PXDNL: variants seen among roughly 807,000 people sequenced by gnomAD.
PXDNL encodes the protein probable oxidoreductase PXDNL.
Under a neutral mutation model 150.8 loss-of-function variants are expected in PXDNL, and 145 were observed. The observed-to-expected ratio is 0.96, with a 90% CI of 0.84 to 1.10. PXDNL has a LOEUF of 1.10. Ranked by LOEUF, PXDNL falls within the 50% of genes least tolerant of loss-of-function variation. The probability of loss-of-function intolerance (pLI) is 0.00; values close to 1 mark genes in which losing one functional copy is unlikely to be tolerated. For synonymous variants in PXDNL, 757 were observed against 725.7 expected, an observed-to-expected ratio of 1.04 and a Z score of -0.69; for missense variants, 2,087 against 1,873.9, an observed-to-expected ratio of 1.11 and a Z score of -2.10.
chr8:51,548,264 AT>A (rs1812405309), intron 4 of PXDNL, among the ~76,000 whole-genome samples: 1 of 152,198 alleles, frequency 6.6e-6, no homozygotes, highest in Non-Finnish European at 1.5e-5. Context: ...TTGAAAACTT[AT>A]TTGAGGGAAT....
Position 51,319,690 on chromosome 8 carries a change from C to A in PXDNL, c.*201G>T. On this transcript the variant is annotated 3_prime_UTR_variant, in exon 23 of 23. Transcript: ENST00000356297. ...CAAACACTTCATATGCACTTTATTGCTTTTAGTTTTGAATTATTTCAAGGT... is the reference window on the plus strand; with the variant it reads ...CAAACACTTCATATGCACTTTATTGATTTTAGTTTTGAATTATTTCAAGGT... 2.7e-6 allele frequency: 1 copy of A among 368,736 alleles called. No individual in the cohort carries two copies. The highest frequency in any genetic ancestry group is 4.7e-6 in the Non-Finnish European group (1 of 213,878). The allele number at this position is 368,736 out of a possible 1,614,324, so 22.8% of individuals were successfully genotyped here. A position where few individuals can be genotyped will look rare whatever the true frequency, so the allele number is the denominator to read the frequency against.
At chr8:51,776,607 C>G (rs562482764) in intron 1 of PXDNL, among the ~76,000 whole-genome samples, 2 of 152,148 alleles carry the variant, frequency 1.3e-5, no homozygotes, top group Non-Finnish European at 2.9e-5. Flanking sequence ...CTCAATGAGG[C>G]CTTGACCTGG....
chr8:51,636,243 A>G (rs951432105), intron 2 of PXDNL, among the ~76,000 whole-genome samples: 4 of 152,180 alleles, frequency 2.6e-5, no homozygotes, highest in Admixed American at 6.5e-5. Context: ...TCCAGATAAC[A>G]TTATACTTAA....
chr8:51,594,306 T>C (rs1281711463), intron 2 of PXDNL, among the ~76,000 whole-genome samples: 2 of 144,924 alleles, frequency 1.4e-5, no homozygotes, highest in African/African-American at 5.8e-5. Context: ...CAAAAAACAA[T>C]TTGAGTGACT....
intron 1 of PXDNL, among the ~76,000 whole-genome samples, chr8:51,660,553 T>C (rs537097875): frequency 7.9e-5 from 12 of 152,334 alleles, no homozygotes; most frequent in African/African-American, 2.9e-4. Context: ...GGTACTTGTT[T>C]GTCTCAAATC....
intron 4 of PXDNL, among the ~76,000 whole-genome samples, chr8:51,533,104 A>T (rs1018757716): frequency 5.3e-5 from 8 of 152,230 alleles, no homozygotes; most frequent in Non-Finnish European, 8.8e-5. Flanking sequence ...ATCTTCTTTT[A>T]AAAAATATCA....
chr8:51,676,976 G>A (rs765133663), intron 1 of PXDNL, among the ~76,000 whole-genome samples: 1 of 152,148 alleles, frequency 6.6e-6, no homozygotes, highest in Non-Finnish European at 1.5e-5. Context: ...GAAGAAAAAC[G>A]AACCAGAGAG....
At chr8:51,516,343 G>T (rs1370994095) in intron 4 of PXDNL, among the ~76,000 whole-genome samples, 1 of 152,184 alleles carries the variant, frequency 6.6e-6, no homozygotes, top group Non-Finnish European at 1.5e-5. Context: ...ACTCTAGAAA[G>T]AAGTTAATTT....
intron 21 of PXDNL, among the ~76,000 whole-genome samples, chr8:51,332,550 G>A (rs572550409): frequency 6.6e-5 from 10 of 151,472 alleles, no homozygotes; most frequent in Middle Eastern, 3.4e-3. Flanking sequence ...AGAGAAAGGC[G>A]AAGCTCAATG....
intron 1 of PXDNL, among the ~76,000 whole-genome samples, chr8:51,654,965 C>T (rs1490880912): frequency 6.6e-6 from 1 of 152,150 alleles, no homozygotes; most frequent in Non-Finnish European, 1.5e-5. Context: ...TCTCTGGGGC[C>T]ATATGCTTGT....
At chr8:51,376,117 A>G (rs925878092) in intron 17 of PXDNL, among the ~76,000 whole-genome samples, 4 of 152,212 alleles carry the variant, frequency 2.6e-5, no homozygotes, top group Non-Finnish European at 5.9e-5. Flanking sequence ...TAATGAGTAC[A>G]CGGAATTACT....
chr8:51,543,826 A>G (rs1456514105), intron 4 of PXDNL, among the ~76,000 whole-genome samples: 3 of 152,182 alleles, frequency 2.0e-5, no homozygotes, highest in African/African-American at 7.2e-5. Context: ...ATTTTTACAA[A>G]AGAGATATTT....
At chr8:51,793,202 C>A (rs1351287156) in intron 1 of PXDNL, among the ~76,000 whole-genome samples, 3 of 152,122 alleles carry the variant, frequency 2.0e-5, no homozygotes, top group Admixed American at 6.5e-5. Context: ...CTGGAGTGGA[C>A]CCCCAGGAAA....
At chr8:51,651,105 G>A (rs1395099225) in intron 2 of PXDNL, among the ~76,000 whole-genome samples, 1 of 152,052 alleles carries the variant, frequency 6.6e-6, no homozygotes, top group East Asian at 1.9e-4. Context: ...GAAATAAATA[G>A]AACATATAAT....
intron 20 of PXDNL, among the ~76,000 whole-genome samples, chr8:51,341,498 T>G (rs893532374): frequency 2.0e-5 from 3 of 152,200 alleles, no homozygotes; most frequent in Non-Finnish European, 2.9e-5. Flanking sequence ...CTTCTCAATC[T>G]ATTTGAAACT....
chr8:51,383,540 G>A (rs9298446), intron 17 of PXDNL, among the ~76,000 whole-genome samples: 22,885 of 152,120 alleles, frequency 0.15, 2,351 homozygotes, highest in East Asian at 0.3. Flanking sequence ...GACAACATGA[G>A]AGAGTACCGC....
intron 4 of PXDNL, among the ~76,000 whole-genome samples, chr8:51,550,292 T>C (rs1812451859): frequency 6.6e-6 from 1 of 152,064 alleles, no homozygotes; most frequent in African/African-American, 2.4e-5. Flanking sequence ...ACTGAAACTA[T>C]TCCAAAAGAT....
chr8:51,380,400 A>G (rs1387378045), intron 17 of PXDNL, among the ~76,000 whole-genome samples: 1 of 152,190 alleles, frequency 6.6e-6, no homozygotes, highest in African/African-American at 2.4e-5. Flanking sequence ...TAAGTATATC[A>G]TTTGTGGGAA....
At chr8:51,643,190 T>A (rs546854517) in intron 2 of PXDNL, among the ~76,000 whole-genome samples, 9 of 152,266 alleles carry the variant, frequency 5.9e-5, no homozygotes, top group African/African-American at 2.2e-4. Context: ...TGGAAAAAAC[T>A]ACTTTAAAGT....
Sources: gnomAD v4.1 joint callset for allele counts (sites outside exome capture counted in the v4.1 genomes callset) on GRCh38, gnomAD v4.1.1 for gene constraint, MANE v1.5 for transcripts, NCBI Gene and HGNC (gene_info 2026-07-23, HGNC 2026-07-21) for gene names.